BDNF: variants seen among roughly 807,000 people sequenced by gnomAD.
BDNF encodes the protein neurotrophic factor BDNF precursor form.
In BDNF, 1 loss-of-function variant was observed where a neutral mutation model predicts 19.5. That is an observed-to-expected ratio of 0.05 (90% CI 0.02 to 0.24). The LOEUF (loss-of-function observed/expected upper bound fraction) is 0.24. Ranked by LOEUF, BDNF falls within the 10% of genes least tolerant of loss-of-function variation. The pLI is 1.00. For missense variants in BDNF, 195 were observed against 317.6 expected (o/e 0.61, Z 2.93); for synonymous variants, 100 against 121.6 (o/e 0.82, Z 1.17).
intron 1 of BDNF, among the ~76,000 whole-genome samples, chr11:27,714,026 A>C (rs1477099981): frequency 2.0e-5 from 3 of 152,254 alleles, no homozygotes; most frequent in African/African-American, 4.8e-5. Flanking sequence ...TGCCTAGTGC[A>C]TCAGAAGTTA....
chr11:27,721,363 C>T, intron 1 of BDNF: 1 of 1,609,440 alleles, frequency 6.2e-7, no homozygotes, highest in South Asian at 1.1e-5. Context: ...CGTTGTTAAG[C>T]AACATGTCAA....
intron 1 of BDNF, among the ~76,000 whole-genome samples, chr11:27,684,343 C>A (rs1857211101): frequency 6.6e-6 from 1 of 152,158 alleles, no homozygotes; most frequent in African/African-American, 2.4e-5. Flanking sequence ...ATGTCATCTG[C>A]AAACAGAGAC....
chr11:27,666,353 AG>A (rs1252213766), intron 1 of BDNF, among the ~76,000 whole-genome samples: 1 of 152,236 alleles, frequency 6.6e-6, no homozygotes, highest in African/African-American at 2.4e-5. Flanking sequence ...TCTAAAAATC[AG>A]AGCACGTCTT....
upstream of BDNF, among the ~76,000 whole-genome samples, chr11:27,701,863 G>A (rs1272814988): frequency 6.6e-6 from 1 of 152,066 alleles, no homozygotes; most frequent in Non-Finnish European, 1.5e-5. Flanking sequence ...TTTTAATAAC[G>A]AACCAGGGCA....
At chr11:27,713,335 G>C (rs1043740671) in intron 1 of BDNF, among the ~76,000 whole-genome samples, 2 of 152,220 alleles carry the variant, frequency 1.3e-5, no homozygotes, top group Non-Finnish European at 2.9e-5. Context: ...GGAAGGTAGA[G>C]AACAGTCAAT....
chr11:27,718,716 T>C (rs922884648), intron 1 of BDNF, among the ~76,000 whole-genome samples: 6 of 152,070 alleles, frequency 3.9e-5, no homozygotes, highest in Admixed American at 3.9e-4. Flanking sequence ...CACCGTCATC[T>C]GATCCTAGCG....
upstream of BDNF, among the ~76,000 whole-genome samples, chr11:27,704,244 A>C (rs1282812416): frequency 1.3e-5 from 2 of 152,238 alleles, no homozygotes; most frequent in African/African-American, 2.4e-5. Context: ...TGTGGGGCTT[A>C]AAAATTAATT....
intron 1 of BDNF, among the ~76,000 whole-genome samples, chr11:27,684,000 T>C (rs1324572065): frequency 6.6e-6 from 1 of 152,196 alleles, no homozygotes; most frequent in Non-Finnish European, 1.5e-5. Flanking sequence ...TTGGGCAGTA[T>C]GGCCATTTTC....
intron 1 of BDNF, among the ~76,000 whole-genome samples, chr11:27,707,227 A>T (rs544377333): frequency 9.9e-5 from 15 of 152,262 alleles, no homozygotes; most frequent in Non-Finnish European, 2.2e-4. Flanking sequence ...GTAAAAGAGA[A>T]TTATGCTAAC....
chr11:27,694,762 G>C (rs1858777865), intron 1 of BDNF, among the ~76,000 whole-genome samples: 1 of 151,966 alleles, frequency 6.6e-6, no homozygotes, highest in African/African-American at 2.4e-5. Context: ...GTACATTAAA[G>C]TTAAAGGTAG....
upstream of BDNF, chr11:27,700,519 C>T: frequency 2.6e-6 from 2 of 759,766 alleles, no homozygotes; most frequent in Non-Finnish European, 2.9e-6. Context: ...CAAACGGCGC[C>T]GCCCCCCCCC....
intron 1 of BDNF, among the ~76,000 whole-genome samples, chr11:27,688,065 C>T (rs1461378192): frequency 6.6e-6 from 1 of 152,174 alleles, no homozygotes; most frequent in African/African-American, 2.4e-5. Context: ...ATCTATAAGC[C>T]CCTGACTGGG....
intron 1 of BDNF, among the ~76,000 whole-genome samples, chr11:27,718,677 A>T (rs1860625661): frequency 6.7e-6 from 1 of 149,688 alleles, no homozygotes; most frequent in East Asian, 2.0e-4. Context: ...ACCCTGCCCT[A>T]CGCTCCCTTT....
chr11:27,664,040 A>C (rs1295735971), intron 1 of BDNF, among the ~76,000 whole-genome samples: 1 of 152,176 alleles, frequency 6.6e-6, no homozygotes, highest in Non-Finnish European at 1.5e-5. Flanking sequence ...ACAGAAAAAA[A>C]AAAAAGTCTT....
At chr11:27,707,249 C>G (rs1244147977) in intron 1 of BDNF, among the ~76,000 whole-genome samples, 1 of 152,128 alleles carries the variant, frequency 6.6e-6, no homozygotes, top group Non-Finnish European at 1.5e-5. Context: ...TACATGATAC[C>G]TAGAATCAAG....
rs551933353 is a variant in BDNF, at chr11:27,670,786, G to A, written c.-21-12201C>T. Among the ~76,000 whole-genome samples, 11 of 152,298 alleles carry A rather than the reference G, an allele frequency of 7.2e-5. No homozygotes were observed. In the South Asian group the frequency reaches 2.3e-3, roughly 32 times the overall value. On this transcript the variant is annotated intron_variant, in intron 1 of 1. Coordinates refer to ENST00000356660, the MANE Select transcript of BDNF (RefSeq NM_001709.5). Reference sequence around the variant, plus strand: ...GTGCTGGAAAGGATGTAGAGAAATAGGAACACTTTTACACTGTTGATGGGA... The same window carrying A: ...GTGCTGGAAAGGATGTAGAGAAATAAGAACACTTTTACACTGTTGATGGGA...
intron 1 of BDNF, among the ~76,000 whole-genome samples, chr11:27,684,016 A>T (rs1012191694): frequency 6.6e-6 from 1 of 152,168 alleles, no homozygotes; most frequent in African/African-American, 2.4e-5. Flanking sequence ...TTTTCACGAT[A>T]TTGATTCTTC....
intron 1 of BDNF, among the ~76,000 whole-genome samples, chr11:27,662,753 C>A (rs1278759153): frequency 6.6e-6 from 1 of 152,192 alleles, no homozygotes; most frequent in Non-Finnish European, 1.5e-5. Flanking sequence ...GGAGACAGAG[C>A]TCAGATGGCA....
chr11:27,691,941 T>C (rs981859637), intron 1 of BDNF, among the ~76,000 whole-genome samples: 2 of 152,172 alleles, frequency 1.3e-5, no homozygotes, highest in African/African-American at 4.8e-5. Context: ...TAAAAAAATA[T>C]AACCTCAAAA....
Sources: gnomAD v4.1 joint callset for allele counts (sites outside exome capture counted in the v4.1 genomes callset) on GRCh38, gnomAD v4.1.1 for gene constraint, MANE v1.5 for transcripts, NCBI Gene and HGNC (gene_info 2026-07-23, HGNC 2026-07-21) for gene names.